Variants in KSR2 observed in about 807,000 individuals in gnomAD.
KSR2 encodes the protein kinase suppressor of ras 2.
KSR2 carries 25 observed loss-of-function variants against 107.8 expected under a neutral mutation model. The ratio of observed to expected loss-of-function variants is 0.23; its 90% CI spans 0.17 to 0.32. The LOEUF is 0.32. Among genes scored for constraint, KSR2 ranks in the 10% least tolerant of loss-of-function variants. The pLI, the probability that KSR2 is intolerant of heterozygous loss-of-function variation, is 1.00. For missense variants in KSR2, 887 were observed against 1,268.9 expected, an observed-to-expected ratio of 0.70 and a Z score of 4.57; for synonymous variants, 480 against 507.0, an observed-to-expected ratio of 0.95 and a Z score of 0.71.
At chr12:117,713,703 C>T (rs1593159666) in intron 4 of KSR2, among the ~76,000 whole-genome samples, 4 of 152,298 alleles carry the variant, frequency 2.6e-5, no homozygotes, top group Admixed American at 2.6e-4. Context: ...TCCTTCAAGC[C>T]TCCAAAATTC....
chr12:117,715,613 G>A (rs748225685), intron 4 of KSR2, among the ~76,000 whole-genome samples: 5 of 152,176 alleles, frequency 3.3e-5, no homozygotes, highest in Admixed American at 6.5e-5. Flanking sequence ...GTCAGCAAAT[G>A]TTTTCTGTTA....
At chr12:117,763,514 C>T (rs1889121594) in intron 3 of KSR2, among the ~76,000 whole-genome samples, 1 of 152,150 alleles carries the variant, frequency 6.6e-6, no homozygotes, top group African/African-American at 2.4e-5. Flanking sequence ...GTGCAGGCTT[C>T]AAAACCATCT....
At chr12:117,773,801 G>A (rs2136922409) in intron 3 of KSR2, among the ~76,000 whole-genome samples, 1 of 152,238 alleles carries the variant, frequency 6.6e-6, no homozygotes, top group East Asian at 1.9e-4. Context: ...GAAAATATTT[G>A]ACTGGAATCA....
intron 3 of KSR2, among the ~76,000 whole-genome samples, chr12:117,817,415 C>T (rs150448160): frequency 2.0e-3 from 299 of 151,914 alleles, no homozygotes; most frequent in Non-Finnish European, 3.2e-3. Flanking sequence ...AAAAACAGCA[C>T]GGGAAATTAG....
intron 4 of KSR2, among the ~76,000 whole-genome samples, chr12:117,751,457 A>G (rs1038369906): frequency 1.3e-5 from 2 of 152,140 alleles, no homozygotes; most frequent in Non-Finnish European, 2.9e-5. Flanking sequence ...ACACCTGATA[A>G]AGAGGAAACA....
intron 3 of KSR2, among the ~76,000 whole-genome samples, chr12:117,827,155 G>A (rs546082333): frequency 3.3e-5 from 5 of 152,154 alleles, no homozygotes; most frequent in African/African-American, 7.2e-5. Context: ...CTGAAGAGGA[G>A]GAGGAAAAAG....
chr12:117,930,088 A>G (rs1895654711), intron 1 of KSR2, among the ~76,000 whole-genome samples: 1 of 152,064 alleles, frequency 6.6e-6, no homozygotes, highest in African/African-American at 2.4e-5. Context: ...TCTATCACCC[A>G]GGCTGGAGGG....
intron 1 of KSR2, among the ~76,000 whole-genome samples, chr12:117,898,899 C>T (rs1266655525): frequency 6.6e-6 from 1 of 152,040 alleles, no homozygotes; most frequent in East Asian, 1.9e-4. Context: ...TCTTTGTTTT[C>T]CTTTGGATGG....
intron 3 of KSR2, among the ~76,000 whole-genome samples, chr12:117,804,212 T>G (rs934982845): frequency 4.1e-4 from 63 of 152,250 alleles, no homozygotes; most frequent in African/African-American, 1.4e-3. Flanking sequence ...CCCGGCTAAT[T>G]TTGTATTTTT....
At chr12:117,591,438 T>A (rs1027901755) in intron 5 of KSR2, among the ~76,000 whole-genome samples, 10 of 150,862 alleles carry the variant, frequency 6.6e-5, no homozygotes, top group African/African-American at 2.4e-4. Context: ...CCTGGGGGAG[T>A]CTTCTCTCTA....
rs933059023 is a variant in KSR2 at position 117,457,393 on chromosome 12, T to G, written c.*9806A>C. The G allele has an allele frequency of 2.6e-5, 4 of 152,166 alleles. No individual in the cohort carries two copies. Among genetic ancestry groups the G allele is most frequent in the Admixed American group, 2.6e-4 (4 of 15,282 alleles). 9.4% of individuals were successfully genotyped at this position (152,166 alleles called of 1,614,324 possible). On this transcript the variant is annotated 3_prime_UTR_variant, in exon 20 of 20. Coordinates refer to ENST00000339824, the MANE Select transcript of KSR2 (RefSeq NM_173598.6). The stretch of plus-strand genomic sequence containing the variant: ...TGGAGATGGTTTTGGATGTCACACT[T>G]TGGATGTCAACTGGAGGCTTTTGAA...
rs571230909 is a variant in KSR2 at position 117,748,308 on chromosome 12, G to C, written c.986+12703C>G. ...CTGGCAGGAAGGAGGCAGTGGAATGGGGAGATATTGGTTAAAGGGTACAAA... is the reference window on the plus strand; with the variant it reads ...CTGGCAGGAAGGAGGCAGTGGAATGCGGAGATATTGGTTAAAGGGTACAAA... On this transcript the variant is annotated intron_variant, in intron 4 of 19. Transcript: ENST00000339824. Among the ~76,000 whole-genome samples, 40 of 152,256 alleles carry C rather than the reference G, an allele frequency of 2.6e-4. No individual in the cohort carries two copies. The South Asian group carries it at 8.3e-3, about 32-fold the overall frequency.
At chr12:117,846,326 C>T (rs1372458265) in intron 3 of KSR2, among the ~76,000 whole-genome samples, 1 of 145,078 alleles carries the variant, frequency 6.9e-6, no homozygotes, top group Non-Finnish European at 1.5e-5. Context: ...CAGAATCTCA[C>T]TCTGTCGCCC....
At position 117,465,876 on chromosome 12, in the gene KSR2, C is replaced by T. The variant is rs543067095; in HGVS notation, c.*1323G>A. On this transcript the variant is annotated 3_prime_UTR_variant, in exon 20 of 20. Transcript: ENST00000339824. ...AAATGACCCAGAGGTTCTCCTCTCC[C>T]ATCTGCATGCCCAGCCTGCTCTCGG... 2.0e-5 allele frequency: 3 copies of T among 152,336 alleles called. No homozygotes were observed. The highest frequency in any genetic ancestry group is 7.2e-5 in the African/African-American group (3 of 41,532). The allele number at this position is 152,336 out of a possible 1,614,324, so 9.4% of individuals were successfully genotyped here. A position where few individuals can be genotyped will look rare whatever the true frequency, so the allele number is the denominator to read the frequency against.
intron 1 of KSR2, among the ~76,000 whole-genome samples, chr12:117,884,685 G>T (rs1447142833): frequency 6.6e-6 from 1 of 152,170 alleles, no homozygotes; most frequent in African/African-American, 2.4e-5. Flanking sequence ...TCTAGCAAGA[G>T]CATTACAAAC....
At chr12:117,551,338 C>T (rs534695014) in intron 9 of KSR2, among the ~76,000 whole-genome samples, 4 of 152,148 alleles carry the variant, frequency 2.6e-5, no homozygotes, top group South Asian at 2.1e-4. Flanking sequence ...CTTTCTCTGT[C>T]TTCTTCATCA....
intron 5 of KSR2, among the ~76,000 whole-genome samples, chr12:117,600,422 CCA>C (rs1189116416): frequency 2.0e-5 from 3 of 152,162 alleles, no homozygotes; most frequent in East Asian, 3.9e-4. Context: ...CCCCCATTTT[CCA>C]CAGAGTTTGG....
intron 9 of KSR2, among the ~76,000 whole-genome samples, chr12:117,541,654 T>C (rs1876499244): frequency 6.6e-6 from 1 of 152,074 alleles, no homozygotes; most frequent in Non-Finnish European, 1.5e-5. Context: ...TGGTATAGTG[T>C]GGTCAACAGG....
intron 4 of KSR2, among the ~76,000 whole-genome samples, chr12:117,706,793 A>G (rs1490364927): frequency 6.6e-6 from 1 of 152,202 alleles, no homozygotes; most frequent in Admixed American, 6.5e-5. Flanking sequence ...AAATACAATT[A>G]TACTTCAAAA....
Sources: allele counts gnomAD v4.1 joint callset (sites outside exome capture counted in the v4.1 genomes callset), GRCh38; gene constraint gnomAD v4.1.1; transcripts MANE v1.5; gene names NCBI Gene and HGNC (gene_info 2026-07-23, HGNC 2026-07-21).